The following YWHAB variants were observed in gnomAD, a reference collection of about 807,000 sequenced individuals.
YWHAB encodes the protein tyrosine 3-monooxygenase/tryptophan 5-monooxygenase activation protein beta.
Under a neutral mutation model 28.5 loss-of-function variants are expected in YWHAB, and 2 were observed. That is an observed-to-expected ratio of 0.07 (90% confidence interval 0.03 to 0.22). The LOEUF is 0.22. YWHAB is among the 10% of genes least tolerant of loss of function. The probability of loss-of-function intolerance (pLI) is 1.00; values close to 1 mark genes in which losing one functional copy is unlikely to be tolerated. For synonymous variants in YWHAB, 103 were observed against 104.7 expected (o/e 0.98, Z 0.10); for missense variants, 148 against 297.1 (o/e 0.50, Z 3.69).
chr20:44,892,131 T>C (rs890844181), intron 1 of YWHAB, among the ~76,000 whole-genome samples: 23 of 152,244 alleles, frequency 1.5e-4, no homozygotes, highest in African/African-American at 5.3e-4. Context: ...GTGGATGCTC[T>C]ATCTGGAATG....
intron 2 of YWHAB, 79 bp from the exon 3 acceptor site, chr20:44,903,914 T>A: frequency 6.7e-7 from 1 of 1,481,872 alleles, no homozygotes; most frequent in South Asian, 1.2e-5. Context: ...TTAGAAGCAG[T>A]AGTGTATATC....
At chr20:44,902,042 TTCCTC>T (rs1333325097) in intron 2 of YWHAB, 4 of 485,004 alleles carry the variant, frequency 8.2e-6, no homozygotes, top group Non-Finnish European at 1.4e-5. Flanking sequence ...CTGAGATACT[TTCCTC>T]TCCTATCAAA....
intron 4 of YWHAB, 192 bp from the exon 5 acceptor site, chr20:44,905,809 A>G (rs2066652565): frequency 3.9e-6 from 2 of 510,784 alleles, no homozygotes; most frequent in Non-Finnish European, 7.0e-6. Context: ...AGTTTCTGTC[A>G]TTGTTGGTTG....
rs560284116 is a variant in YWHAB, at chr20:44,892,665, T to C, written c.-4+6779T>C. Reference sequence around the variant, plus strand: ...AAGAATAAAAAATAAGAATGGCTTATGAGCCTTTACTCTAACCAGCACTAT... The same window carrying C: ...AAGAATAAAAAATAAGAATGGCTTACGAGCCTTTACTCTAACCAGCACTAT... On this transcript the variant is annotated intron_variant, in intron 1 of 5. Coordinates refer to ENST00000353703, the MANE Select transcript of YWHAB (RefSeq NM_139323.4). Among the ~76,000 whole-genome samples, 50 of 152,366 alleles carry C rather than the reference T, an allele frequency of 3.3e-4. 1 individual carries two copies. The highest frequency in any genetic ancestry group is 5.7e-4 in the Non-Finnish European group (39 of 68,032).
intron 2 of YWHAB, chr20:44,902,652 A>C (rs1432614028): frequency 6.6e-6 from 1 of 152,196 alleles, no homozygotes; most frequent in Non-Finnish European, 1.5e-5. Flanking sequence ...AAAGCTTGTC[A>C]GCCATCAGGC....
At chr20:44,888,631 A>G (rs1262149131) in intron 1 of YWHAB, among the ~76,000 whole-genome samples, 4 of 152,236 alleles carry the variant, frequency 2.6e-5, no homozygotes, top group Non-Finnish European at 5.9e-5. Context: ...AAACGTTTGA[A>G]TGGGAATATT....
rs181886355 is a variant in YWHAB at position 44,885,765 on chromosome 20, G to A, written c.-125G>A. On this transcript the variant is annotated 5_prime_UTR_variant, in exon 1 of 6. Coordinates refer to ENST00000353703, the MANE Select transcript of YWHAB (RefSeq NM_139323.4). ...CGGAGCCGGGGTAGTCGCCGCCGCC[G>A]CCGCCGCTGCAGCCACTGCAGGCAC... is the stretch of plus-strand genomic sequence containing the variant. 0.012 allele frequency: 2,143 copies of A among 181,966 alleles called. 15 individuals are homozygous for A. Among genetic ancestry groups the A allele is most frequent in the Non-Finnish European group, 0.018 (1,603 of 88,430 alleles). The allele number at this position is 181,966 out of a possible 1,614,324, so 11.3% of individuals were successfully genotyped here.
chr20:44,906,037 A>G lies in YWHAB; in HGVS notation c.625A>G (p.Asn209Asp). The change falls in exon 5 of 6, where the codon AAT (asparagine) becomes GAT (aspartate). Residue 209 changes from asparagine to aspartate, a missense_variant. Asn to Asp is a conservative substitution (Grantham distance 23, BLOSUM62 1). Coordinates refer to ENST00000353703, the MANE Select transcript of YWHAB (RefSeq NM_139323.4). ...DEAIAELDTL[N>D]EESYKDSTLI... The stretch of plus-strand genomic sequence containing the variant: ...AGCAATTGCTGAATTGGATACGCTG[A>G]ATGAAGAGTCTTATAAAGACAGCAC... 6.2e-7 allele frequency: 1 copy of G among 1,613,946 alleles called. No individual in the cohort carries two copies.
At position 44,906,528 on chromosome 20, in the gene YWHAB, G is replaced by T; in HGVS notation, c.*90G>T. 3 of 459,370 alleles carry T rather than the reference G, an allele frequency of 6.5e-6. No individual in the cohort carries two copies. The highest frequency in any genetic ancestry group is 9.8e-4 in the Middle Eastern group (1 of 1,016). The allele number at this position is 459,370 out of a possible 1,614,324, so 28.5% of individuals were successfully genotyped here. On this transcript the variant is annotated 3_prime_UTR_variant, in exon 6 of 6. Coordinates refer to ENST00000353703, the MANE Select transcript of YWHAB (RefSeq NM_139323.4). ...ATAAAAAAAAAAAAAAAAAAAAAAA[G>T]AGAATCGTACGTCGACTTTCGATTT...
intron 3 of YWHAB, 142 bp downstream of exon 3, chr20:44,904,258 G>A (rs964008385): frequency 2.7e-6 from 3 of 1,109,992 alleles, no homozygotes; most frequent in African/African-American, 3.2e-5. Flanking sequence ...GCATTGTGAC[G>A]AACGGGGTCA....
chr20:44,891,929 A>G (rs911678269), intron 1 of YWHAB, among the ~76,000 whole-genome samples: 8 of 152,228 alleles, frequency 5.3e-5, no homozygotes, highest in African/African-American at 1.9e-4. Context: ...AGAATGGCAC[A>G]CAGACAGTTT....
In YWHAB at chr20:44,901,512, TCTCTTG is replaced by T; in HGVS notation, c.-3-12_-3-7del. On this transcript the variant is annotated splice_polypyrimidine_tract_variant and intron_variant, in intron 1 of 5. Transcript: ENST00000353703. ...AAACCTGACATTTGCTCTTTCTTTT[TCTCTTG>T]CTCTTGTTCTAGGGAATGACAATGG... is the stretch of plus-strand genomic sequence containing the variant. The T allele has an allele frequency of 6.4e-7, 1 of 1,558,900 alleles. No homozygotes were observed. The highest frequency in any genetic ancestry group is 8.7e-7 in the Non-Finnish European group (1 of 1,146,656).
chr20:44,902,819 G>A (rs1205017472), intron 2 of YWHAB: 3 of 152,632 alleles, frequency 2.0e-5, no homozygotes, highest in Admixed American at 6.5e-5. Context: ...GACTCATGGC[G>A]TAAGAGTGTC....
chr20:44,899,577 A>G (rs2066615045), intron 1 of YWHAB, among the ~76,000 whole-genome samples: 1 of 152,278 alleles, frequency 6.6e-6, no homozygotes, highest in Admixed American at 6.5e-5. Context: ...GTGTATTTTT[A>G]TACTGTGTGG....
intron 1 of YWHAB, among the ~76,000 whole-genome samples, chr20:44,901,232 C>T (rs1377304192): frequency 6.6e-6 from 1 of 152,158 alleles, no homozygotes; most frequent in Non-Finnish European, 1.5e-5. Flanking sequence ...CTGGGCATAT[C>T]ACTTGCCTTC....
rs531705072 is a variant in YWHAB at position 44,906,967 on chromosome 20, C to T, written c.*529C>T. ...TGCCGTTGTTCGGGACTTAAAGACA[C>T]TTGACCTGTTTGGGCTGTTGCCACT... On this transcript the variant is annotated 3_prime_UTR_variant, in exon 6 of 6. Transcript: ENST00000353703. The T allele has an allele frequency of 6.5e-6, 1 of 152,930 alleles. No homozygotes were observed. Among genetic ancestry groups the T allele is most frequent in the Admixed American group, 6.5e-5 (1 of 15,376 alleles). 9.5% of individuals were successfully genotyped at this position (152,930 alleles called of 1,614,324 possible).
At chr20:44,898,007 A>C (rs1339051677) in intron 1 of YWHAB, among the ~76,000 whole-genome samples, 1 of 151,952 alleles carries the variant, frequency 6.6e-6, no homozygotes, top group Non-Finnish European at 1.5e-5. Context: ...GCTGTGAGGG[A>C]AAAGAGCCTG....
At chr20:44,894,690 T>A (rs1246867805) in intron 1 of YWHAB, among the ~76,000 whole-genome samples, 2 of 152,240 alleles carry the variant, frequency 1.3e-5, no homozygotes. Flanking sequence ...CTATGCATTT[T>A]TCAAGGAAGA....
chr20:44,894,445 TG>T (rs991142931), intron 1 of YWHAB, among the ~76,000 whole-genome samples: 1 of 152,222 alleles, frequency 6.6e-6, no homozygotes, highest in African/African-American at 2.4e-5. Context: ...AAAACCATCA[TG>T]GCATATCACT....
Sources: allele counts gnomAD v4.1 joint callset (sites outside exome capture counted in the v4.1 genomes callset), GRCh38; gene constraint gnomAD v4.1.1; transcripts MANE v1.5; gene names NCBI Gene and HGNC (gene_info 2026-07-23, HGNC 2026-07-21).